Variants in ESYT2 observed in about 807,000 individuals in gnomAD.
ESYT2 encodes extended synaptotagmin 2, also known as extended synaptotagmin-2.
In ESYT2, 54 loss-of-function variants were observed where a neutral mutation model predicts 107.2. The observed-to-expected ratio is 0.50, with a 90% CI of 0.40 to 0.63. The LOEUF (loss-of-function observed/expected upper bound fraction) is 0.63. Ranked by LOEUF, ESYT2 falls within the 30% of genes least tolerant of loss-of-function variation. The pLI is 0.00. For synonymous variants in ESYT2, 491 were observed against 434.1 expected, an observed-to-expected ratio of 1.13 and a Z score of -1.63; for missense variants, 1,020 against 1,094.5, an observed-to-expected ratio of 0.93 and a Z score of 0.96.
At chr7:158,794,484 C>A (rs1268058377) in intron 3 of ESYT2, among the ~76,000 whole-genome samples, 1 of 152,166 alleles carries the variant, frequency 6.6e-6, no homozygotes, top group East Asian at 1.9e-4. Context: ...ACAGAGTGAA[C>A]CCCCATCTCT....
intron 1 of ESYT2, among the ~76,000 whole-genome samples, chr7:158,818,268 C>T (rs374460317): frequency 5.5e-4 from 83 of 152,206 alleles, no homozygotes; most frequent in African/African-American, 1.9e-3. Context: ...TTAGCCATGT[C>T]CTTGGAACAA....
rs1431201335 is a variant in ESYT2, at chr7:158,733,195, A to T, written c.*1012T>A. Reference sequence around the variant, plus strand: ...GAGGTCACACTGGGGGTTCCTGACAATAATGAGATCGAGCTTTCAATTTTT... The same window carrying T: ...GAGGTCACACTGGGGGTTCCTGACATTAATGAGATCGAGCTTTCAATTTTT... On this transcript the variant is annotated 3_prime_UTR_variant, in exon 23 of 23. Transcript: ENST00000275418. 1 of 152,218 alleles carries T rather than the reference A, an allele frequency of 6.6e-6. No individual in the cohort carries two copies. Among genetic ancestry groups the T allele is most frequent in the Non-Finnish European group, 1.5e-5 (1 of 68,044 alleles). The allele number at this position is 152,218 out of a possible 1,614,324, so 9.4% of individuals were successfully genotyped here. A position where few individuals can be genotyped will look rare whatever the true frequency, so the allele number is the denominator to read the frequency against.
intron 6 of ESYT2, among the ~76,000 whole-genome samples, chr7:158,783,429 A>C (rs1489783166): frequency 1.3e-5 from 2 of 152,214 alleles, no homozygotes; most frequent in Non-Finnish European, 2.9e-5. Context: ...TCTGTTGGAA[A>C]TACAAACTCA....
intron 19 of ESYT2, among the ~76,000 whole-genome samples, chr7:158,737,902 T>A (rs888975685): frequency 2.6e-5 from 4 of 152,230 alleles, no homozygotes; most frequent in African/African-American, 9.6e-5. Context: ...GTATCATTGT[T>A]AACAAATGCA....
chr7:158,817,360 G>T (rs1284207498), intron 1 of ESYT2, among the ~76,000 whole-genome samples: 1 of 152,226 alleles, frequency 6.6e-6, no homozygotes, highest in Non-Finnish European at 1.5e-5. Flanking sequence ...AGGTAATCCA[G>T]ACATTCCTTT....
chr7:158,777,621 A>C lies in ESYT2; in HGVS notation c.748-4225T>G, dbSNP rs527964709. Among the ~76,000 whole-genome samples the C allele has an allele frequency of 1.2e-3, 184 of 152,278 alleles. 1 individual carries two copies. Among genetic ancestry groups the C allele is most frequent in the African/African-American group, 4.2e-3 (175 of 41,566 alleles). On this transcript the variant is annotated intron_variant, in intron 6 of 22. Transcript: ENST00000275418. ...ACTGTAAGTTTCCTGAGGCCTCCCC[A>C]GACATGCAGAACCTTGAGTCAATTA...
chr7:158,773,403 TA>T lies in ESYT2; in HGVS notation c.748-8del, dbSNP rs757277333. The stretch of plus-strand genomic sequence containing the variant: ...TCCAGTTAATTTCTAAAAGCTGTTT[TA>T]AAACAAGGGCAAAATATTAAGTTCC... On this transcript the variant is annotated splice_polypyrimidine_tract_variant and splice_region_variant and intron_variant, in intron 6 of 22. Coordinates refer to ENST00000275418, the MANE Select transcript of ESYT2 (RefSeq NM_001367773.1). The T allele has an allele frequency of 6.2e-7, 1 of 1,614,078 alleles. No homozygotes were observed.
intron 6 of ESYT2, among the ~76,000 whole-genome samples, chr7:158,776,586 G>T (rs1047180746): frequency 6.6e-6 from 1 of 152,204 alleles, no homozygotes; most frequent in Non-Finnish European, 1.5e-5. Context: ...TAGAAGTGAA[G>T]ATAGTTAGGA....
Position 158,735,619 on chromosome 7 carries a change from A to G in ESYT2, c.2400-11T>C, listed in dbSNP as rs981192884. On this transcript the variant is annotated splice_polypyrimidine_tract_variant and intron_variant, in intron 20 of 22. Transcript: ENST00000275418. ...ACACTGAAATCAAAGCTGAAATAGG[A>G]AACGAGAGCCTTACTTTATCCATCA... 6.2e-7 allele frequency: 1 copy of G among 1,606,442 alleles called. No homozygotes were observed. The highest frequency in any genetic ancestry group is 1.3e-5 in the African/African-American group (1 of 74,838).
chr7:158,789,617 A>G (rs889247332), intron 4 of ESYT2, among the ~76,000 whole-genome samples: 17 of 152,154 alleles, frequency 1.1e-4, no homozygotes, highest in African/African-American at 3.9e-4. Flanking sequence ...GGGCCTTTCA[A>G]ACTGCTGGAA....
intron 6 of ESYT2, among the ~76,000 whole-genome samples, chr7:158,782,682 G>A (rs766168084): frequency 6.6e-6 from 1 of 152,190 alleles, no homozygotes; most frequent in Non-Finnish European, 1.5e-5. Context: ...GAACAAATGT[G>A]AGAATGGGTG....
intron 6 of ESYT2, among the ~76,000 whole-genome samples, chr7:158,783,830 G>A (rs1369246303): frequency 1.3e-5 from 2 of 152,206 alleles, no homozygotes; most frequent in East Asian, 1.9e-4. Context: ...GGAGGAGCCC[G>A]GGAGGAGGCA....
At position 158,734,232 on chromosome 7, in the gene ESYT2, C is replaced by T; in HGVS notation, c.2576G>A (p.Gly859Glu). 3 of 1,614,096 alleles carry T rather than the reference C, an allele frequency of 1.9e-6. No individual in the cohort carries two copies. Among genetic ancestry groups the T allele is most frequent in the Middle Eastern group, 3.3e-4 (2 of 6,008 alleles). The stretch of plus-strand genomic sequence containing the variant: ...CTATGTCATCGCCTGAGGCCTCGTC[C>T]CATCTTCCGTGAGGTCATACCTGAG... ...WTQWYDLTEDGTRPQAMT is the reference protein window; with the variant it reads ...WTQWYDLTEDETRPQAMT Residue 859 changes from glycine to glutamate, a missense_variant, in exon 23 of 23, where the codon GGG (glycine) becomes GAG (glutamate). Gly to Glu is a moderately conservative substitution (Grantham distance 98). Transcript: ENST00000275418.
intron 4 of ESYT2, 28 bp from the exon 5 acceptor site, chr7:158,788,445 G>C: frequency 6.4e-7 from 1 of 1,561,914 alleles, no homozygotes; most frequent in Non-Finnish European, 8.8e-7. Flanking sequence ...ATTACATGAT[G>C]TAAGTGAAAT....
chr7:158,794,831 T>C (rs1308240555), intron 3 of ESYT2, among the ~76,000 whole-genome samples: 1 of 152,204 alleles, frequency 6.6e-6, no homozygotes, highest in African/African-American at 2.4e-5. Flanking sequence ...TTGACAAGCA[T>C]GAGTGTATTA....
chr7:158,737,005 C>T (rs755451473), intron 20 of ESYT2, 43 bp downstream of exon 20: 2 of 1,607,574 alleles, frequency 1.2e-6, no homozygotes, highest in African/African-American at 1.3e-5. Context: ...TAATCCGTCA[C>T]TTCAACCGGG....
intron 1 of ESYT2, among the ~76,000 whole-genome samples, chr7:158,805,682 T>C (rs1479677564): frequency 6.6e-6 from 1 of 152,252 alleles, no homozygotes; most frequent in Non-Finnish European, 1.5e-5. Context: ...TTTGGTGCAA[T>C]GACACTGCTT....
intron 18 of ESYT2, among the ~76,000 whole-genome samples, chr7:158,740,207 G>A (rs1470869): frequency 0.7 from 107,178 of 152,130 alleles, 38,735 homozygotes; most frequent in Non-Finnish European, 0.78. Flanking sequence ...GGCACTCTGC[G>A]GCATTCACAG....
intron 18 of ESYT2, among the ~76,000 whole-genome samples, chr7:158,739,637 C>T (rs989890756): frequency 3.9e-5 from 6 of 152,182 alleles, no homozygotes; most frequent in South Asian, 2.1e-4. Flanking sequence ...CGTGAGCCAT[C>T]GCGTCCAGCC....
Sources: gnomAD v4.1 joint callset for allele counts (sites outside exome capture counted in the v4.1 genomes callset) on GRCh38, gnomAD v4.1.1 for gene constraint, MANE v1.5 for transcripts, NCBI Gene and HGNC (gene_info 2026-07-23, HGNC 2026-07-21) for gene names.